The following SCNN1A variants were observed in gnomAD, a reference collection of about 807,000 sequenced individuals.
SCNN1A encodes the protein sodium channel epithelial 1 subunit alpha.
In SCNN1A, 65 loss-of-function variants were observed where a neutral mutation model predicts 68.6. That is an observed-to-expected ratio of 0.95 (90% CI 0.78 to 1.16). The LOEUF (loss-of-function observed/expected upper bound fraction) is 1.16. SCNN1A is among the 50% of genes most tolerant of loss of function. The pLI is 0.00. For missense variants in SCNN1A, 880 were observed against 865.9 expected (o/e 1.02, Z -0.20); for synonymous variants, 357 against 353.3 (o/e 1.01, Z -0.12).
Position 6,374,707 on chromosome 12 carries a change from C to G in SCNN1A, c.77G>C (p.Arg26Pro), listed in dbSNP as rs72645127. Residue 26 changes from arginine to proline, a missense_variant, in exon 2 of 13, where the codon CGT (arginine) becomes CCT (proline). By Grantham distance (103) the Arg-to-Pro change is moderately radical. Coordinates refer to ENST00000228916, the MANE Select transcript of SCNN1A (RefSeq NM_001038.6). This position sits in a 1 kb window ranked among gnomAD's most constrained non-coding sequence, Gnocchi z 6.2. ...TTCGGGGCCCAGCCCCTGCTCCTCACGCTTGTTCCCCTTCATGAGCCCTGG... is the reference window on the plus strand; with the variant it reads ...TTCGGGGCCCAGCCCCTGCTCCTCAGGCTTGTTCCCCTTCATGAGCCCTGG... ...STPGLMKGNKREEQGLGPEPA... is the reference protein window; with the variant it reads ...STPGLMKGNKPEEQGLGPEPA... The G allele has an allele frequency of 3.9e-5, 63 of 1,614,118 alleles. No individual in the cohort carries two copies. In the South Asian group the frequency reaches 6.5e-4, roughly 17 times the overall value.
At chr12:6,371,506 T>C (rs1168428582) in intron 2 of SCNN1A, among the ~76,000 whole-genome samples, 1 of 128,866 alleles carries the variant, frequency 7.8e-6, no homozygotes, top group Admixed American at 8.6e-5. Context: ...ATGCCCTGGC[T>C]TTCCATTGGA....
chr12:6,356,102 C>A, intron 4 of SCNN1A: 1 of 599,222 alleles, frequency 1.7e-6, no homozygotes, highest in South Asian at 1.9e-5. Context: ...GAGTCTCATC[C>A]TCATATCACA....
intron 2 of SCNN1A, among the ~76,000 whole-genome samples, chr12:6,373,104 A>G (rs1948822038): frequency 6.6e-6 from 1 of 152,158 alleles, no homozygotes; most frequent in African/African-American, 2.4e-5. Context: ...GACATTATAC[A>G]GACGTTAATC....
intron 4 of SCNN1A, among the ~76,000 whole-genome samples, chr12:6,357,312 G>A (rs1033535484): frequency 6.6e-6 from 1 of 152,228 alleles, no homozygotes; most frequent in Non-Finnish European, 1.5e-5. Context: ...AGTGGCTCAC[G>A]CCTGTAATCC....
intron 4 of SCNN1A, 154 bp from the exon 5 acceptor site, chr12:6,356,034 G>GCA (rs1948491679): frequency 4.2e-6 from 3 of 708,774 alleles, no homozygotes; most frequent in Non-Finnish European, 7.8e-6. Context: ...CTATGTGCTG[G>GCA]CACAATGCTG....
rs200770604 is a variant in SCNN1A at position 6,374,637 on chromosome 12, G to T, written c.147C>A (p.Ile49=). The change falls in exon 2 of 13, where the codon ATC becomes ATA. Residue 49 remains isoleucine, a synonymous_variant. Transcript: ENST00000228916. This position sits in a 1 kb window ranked among gnomAD's most constrained non-coding sequence, Gnocchi z 6.2. ...QQPTAEEEAL[I]EFHRSYRELF... The stretch of plus-strand genomic sequence containing the variant: ...GCTCTCGGTAGGAGCGGTGGAACTC[G>T]ATCAGGGCCTCCTCCTCCGCCGTGG... 2.5e-6 allele frequency: 4 copies of T among 1,613,318 alleles called. No homozygotes were observed. Among genetic ancestry groups the T allele is most frequent in the Non-Finnish European group, 3.4e-6 (4 of 1,179,658 alleles).
chr12:6,348,447 G>T (rs1244524123), intron 12 of SCNN1A, among the ~76,000 whole-genome samples, 194 bp from the exon 13 acceptor site: 1 of 150,128 alleles, frequency 6.7e-6, no homozygotes, highest in African/African-American at 2.5e-5. Context: ...ACTGATAACT[G>T]GCCCACAGTT....
At chr12:6,357,921 C>T (rs570713714) in intron 4 of SCNN1A, among the ~76,000 whole-genome samples, 1 of 152,256 alleles carries the variant, frequency 6.6e-6, no homozygotes, top group African/African-American at 2.4e-5. Flanking sequence ...TCACTTGAAC[C>T]TGGGAGGTGG....
At chr12:6,354,873 A>G in intron 6 of SCNN1A, 25 bp from the exon 7 acceptor site, 1 of 1,585,636 alleles carries the variant, frequency 6.3e-7, no homozygotes, top group African/African-American at 1.3e-5. Context: ...ACACCAAGAG[A>G]TCAGAGGACA....
intron 4 of SCNN1A, among the ~76,000 whole-genome samples, chr12:6,359,191 A>G (rs2136876166): frequency 6.6e-6 from 1 of 152,342 alleles, no homozygotes; most frequent in East Asian, 1.9e-4. Context: ...ACACAACTCC[A>G]AATATATTAA....
At chr12:6,349,046 G>T (rs1372031373) in intron 10 of SCNN1A, 41 bp from the exon 11 acceptor site, 3 of 1,608,684 alleles carry the variant, frequency 1.9e-6, no homozygotes, top group Non-Finnish European at 2.6e-6. Context: ...ACTCCCATAT[G>T]CTTCAGGCTT....
chr12:6,348,079 C>T lies in SCNN1A; in HGVS notation c.1804G>A (p.Ala602Thr). ...YWSPGRGGRGAQEVASTLASS... is the reference protein window; with the variant it reads ...YWSPGRGGRGTQEVASTLASS... The stretch of plus-strand genomic sequence containing the variant: ...GCCAGGGTGGAGGCTACCTCCTGAG[C>T]ACCCCTGCCCCCTCGGCCTGGAGAC... The change falls in exon 13 of 13, where the codon GCT becomes ACT. Residue 602 changes from alanine (A) to threonine (T), a missense_variant. By Grantham distance (58) the Ala-to-Thr change is moderately conservative. Around this residue, in one of 3 missense-constraint regions of SCNN1A, gnomAD observed 758 missense variants for 721.8 expected, o/e 1.05. Transcript: ENST00000228916. 6.2e-7 allele frequency: 1 copy of T among 1,614,052 alleles called. No individual in the cohort carries two copies. The highest frequency in any genetic ancestry group is 8.5e-7 in the Non-Finnish European group (1 of 1,179,984).
chr12:6,369,258 G>GCTGCCACCCTACACGCCTCCCTC (rs1389470625), intron 2 of SCNN1A, among the ~76,000 whole-genome samples: 1,420 of 126,054 alleles, frequency 0.011, 23 homozygotes, highest in African/African-American at 0.043. Flanking sequence ...CCTCCTCCAT[G>GCTGCCACCCTACACGCCTCCCTC]CTGCCACCCT....
rs1030823707 is a variant in SCNN1A, at chr12:6,351,097, G to A, written c.1361-1692C>T. Among the ~76,000 whole-genome samples, 1 of 152,134 alleles carries A rather than the reference G, an allele frequency of 6.6e-6. No homozygotes were observed. The highest frequency in any genetic ancestry group is 2.4e-5 in the African/African-American group (1 of 41,406). ...TCCACACAAAAACTTGTACACAAAT[G>A]CTCACAGCAGCATTATTCACAATAA... On this transcript the variant is annotated intron_variant, in intron 8 of 12. Transcript: ENST00000228916. This position sits in a 1 kb window ranked among gnomAD's most constrained non-coding sequence, Gnocchi z 4.2.
Position 6,374,571 on chromosome 12 carries a change from G to A in SCNN1A, c.213C>T (p.Ala71=), listed in dbSNP as rs374270705. ...TGTGCTGGGAGCACACCAGGCGGAT[G>A]GCGCCGTGGATGGTGGTGTTGTTGC... ...FFCNNTTIHG[A]IRLVCSQHNR... The change falls in exon 2 of 13, where the codon GCC becomes GCT. Residue 71 remains alanine, a synonymous_variant. Transcript: ENST00000228916. This position sits in a 1 kb window ranked among gnomAD's most constrained non-coding sequence, Gnocchi z 6.2. The A allele has an allele frequency of 6.2e-7, 1 of 1,614,188 alleles. No individual in the cohort carries two copies. Among genetic ancestry groups the A allele is most frequent in the Non-Finnish European group, 8.5e-7 (1 of 1,180,040 alleles).
At position 6,355,447 on chromosome 12, in the gene SCNN1A, G is replaced by T; in HGVS notation, c.980-12C>A. Reference sequence around the variant, plus strand: ...CATCAGGGACAGACCTAGGGGTGCAGAGAGAGCAGAGTTGGCAGAGGCGGG... The same window carrying T: ...CATCAGGGACAGACCTAGGGGTGCATAGAGAGCAGAGTTGGCAGAGGCGGG... On this transcript the variant is annotated splice_polypyrimidine_tract_variant and intron_variant, in intron 5 of 12. Transcript: ENST00000228916. The T allele has an allele frequency of 1.9e-6, 3 of 1,613,586 alleles. No individual in the cohort carries two copies. The highest frequency in any genetic ancestry group is 2.5e-6 in the Non-Finnish European group (3 of 1,179,858).
At chr12:6,354,874 T>A in intron 6 of SCNN1A, 26 bp from the exon 7 acceptor site, 2 of 1,586,948 alleles carry the variant, frequency 1.3e-6, no homozygotes, top group Non-Finnish European at 1.7e-6. Context: ...CACCAAGAGA[T>A]CAGAGGACAG....
chr12:6,360,043 T>C (rs1948558034), intron 4 of SCNN1A, among the ~76,000 whole-genome samples: 1 of 152,176 alleles, frequency 6.6e-6, no homozygotes, highest in South Asian at 2.1e-4. Context: ...AGTGCTGGGA[T>C]TACAGGCATG....
chr12:6,367,978 A>G (rs1279714780), intron 2 of SCNN1A, among the ~76,000 whole-genome samples: 2 of 152,158 alleles, frequency 1.3e-5, no homozygotes, highest in Admixed American at 1.3e-4. Flanking sequence ...TGAACTTCTC[A>G]CAGGAGAAAA....
Sources: allele counts gnomAD v4.1 joint callset (sites outside exome capture counted in the v4.1 genomes callset), GRCh38; gene constraint gnomAD v4.1.1; regional missense constraint gnomAD v4.1.1; non-coding constraint Gnocchi (gnomAD v3.1); transcripts MANE v1.5; gene names NCBI Gene and HGNC (gene_info 2026-07-23, HGNC 2026-07-21).